GSE1: variants seen among roughly 807,000 people sequenced by gnomAD.
GSE1 encodes the protein genetic suppressor element 1.
A neutral mutation model predicts 112.6 loss-of-function variants in GSE1; 32 were observed. The observed-to-expected ratio is 0.28, with a 90% CI of 0.21 to 0.38. The LOEUF (loss-of-function observed/expected upper bound fraction) is 0.38. GSE1 is among the 10% of genes least tolerant of loss of function. The pLI, the probability that GSE1 is intolerant of heterozygous loss-of-function variation, is 1.00. For synonymous variants in GSE1, 1,115 were observed against 735.6 expected (o/e 1.52, Z -8.35); for missense variants, 2,348 against 1,699.2 (o/e 1.38, Z -6.71).
chr16:85,512,860 C>G (rs2051794424), intron 2 of GSE1, among the ~76,000 whole-genome samples: 1 of 152,112 alleles, frequency 6.6e-6, no homozygotes, highest in Admixed American at 6.5e-5. Context: ...TTCCGGCCTG[C>G]TGACTCACAG....
intron 2 of GSE1, among the ~76,000 whole-genome samples, chr16:85,544,975 G>A (rs141511923): frequency 1.4e-4 from 22 of 152,366 alleles, no homozygotes; most frequent in African/African-American, 4.6e-4. Context: ...CTGCAGAGTC[G>A]CATTTATTCC....
At chr16:85,481,770 TGTG>T (rs891600417) in intron 2 of GSE1, among the ~76,000 whole-genome samples, 6 of 152,120 alleles carry the variant, frequency 3.9e-5, no homozygotes, top group Admixed American at 6.5e-5. Flanking sequence ...CTTTGGGAGA[TGTG>T]GTGAGAAGCG....
chr16:85,612,024 G>C (rs945456011), upstream of GSE1, among the ~76,000 whole-genome samples: 24 of 152,106 alleles, frequency 1.6e-4, no homozygotes, highest in African/African-American at 5.8e-4. Flanking sequence ...CCGCCCAGGG[G>C]GTGCTGGTTT....
intron 1 of GSE1, among the ~76,000 whole-genome samples, chr16:85,281,893 C>G (rs931546609): frequency 6.6e-6 from 1 of 152,182 alleles, no homozygotes; most frequent in South Asian, 2.1e-4. Context: ...CCACAGCATG[C>G]CAGCATTATT....
intron 2 of GSE1, among the ~76,000 whole-genome samples, chr16:85,368,109 C>T (rs2047223829): frequency 6.6e-6 from 1 of 152,180 alleles, no homozygotes; most frequent in South Asian, 2.1e-4. Context: ...CCGCCTCAGC[C>T]TCCCAAAGTG....
At chr16:85,225,097 C>T (rs1446722116) in intron 1 of GSE1, among the ~76,000 whole-genome samples, 1 of 152,028 alleles carries the variant, frequency 6.6e-6, no homozygotes, top group South Asian at 2.1e-4. Context: ...CGCCTCCAGC[C>T]TGGGTGACAG....
At chr16:85,645,783 T>TAG (rs879743519) in intron 2 of GSE1, among the ~76,000 whole-genome samples, 6 of 152,256 alleles carry the variant, frequency 3.9e-5, no homozygotes, top group Non-Finnish European at 7.3e-5. Context: ...GGGTCCTCCT[T>TAG]CTGGAAAGGG....
rs1454838383 is a variant in GSE1 at position 85,407,953 on chromosome 16, G to A, written c.2464+50310G>A. 9.8e-5 allele frequency among the ~76,000 whole-genome samples: 5 copies of A among 51,080 alleles called. 1 individual carries two copies. The highest frequency in any genetic ancestry group is 2.0e-4 in the Non-Finnish European group (5 of 24,768). The allele number at this position is 51,080 out of a possible 152,430, so 33.5% of individuals were successfully genotyped here. The stretch of plus-strand genomic sequence containing the variant: ...CAGGCCCCCCTGGATAATCCTCACC[G>A]TTACACTCAGGGTCCCTCTGATAAT... On this transcript the variant is annotated intron_variant, in intron 2 of 2. Coordinates refer to the GSE1 transcript ENST00000637419.
chr16:85,475,669 A>G (rs1314447200), intron 2 of GSE1, among the ~76,000 whole-genome samples: 1 of 152,090 alleles, frequency 6.6e-6, no homozygotes, highest in African/African-American at 2.4e-5. Flanking sequence ...GAGGCCTGAA[A>G]TTTCCCAGGC....
intron 2 of GSE1, among the ~76,000 whole-genome samples, chr16:85,502,373 A>AGCTCATCT (rs2151914990): frequency 6.6e-6 from 1 of 152,292 alleles, no homozygotes; most frequent in South Asian, 2.1e-4. Flanking sequence ...GAGCACCGTC[A>AGCTCATCT]GCTCATCTGC....
At chr16:85,498,484 C>A (rs767411012) in intron 2 of GSE1, among the ~76,000 whole-genome samples, 2 of 152,146 alleles carry the variant, frequency 1.3e-5, no homozygotes, top group Non-Finnish European at 2.9e-5. Context: ...GATGTGTACA[C>A]ACATGCATAC....
intron 2 of GSE1, among the ~76,000 whole-genome samples, chr16:85,394,440 C>T (rs1196088942): frequency 6.6e-6 from 1 of 152,106 alleles, no homozygotes; most frequent in African/African-American, 2.4e-5. Flanking sequence ...AGGAAGAGGA[C>T]GGTTGGGCTT....
At chr16:85,641,423 G>GCCCCCCC (rs61178619) in intron 2 of GSE1, among the ~76,000 whole-genome samples, 5 of 150,394 alleles carry the variant, frequency 3.3e-5, no homozygotes, top group African/African-American at 9.9e-5. Flanking sequence ...ACTGGCTGAC[G>GCCCCCCC]CCCCCCCCCG....
At chr16:85,256,380 C>A (rs566457972) in intron 1 of GSE1, among the ~76,000 whole-genome samples, 5 of 152,362 alleles carry the variant, frequency 3.3e-5, no homozygotes, top group African/African-American at 9.6e-5. Flanking sequence ...CTTAGGAGCA[C>A]CCTGTATAAG....
intron 1 of GSE1, among the ~76,000 whole-genome samples, chr16:85,239,375 T>A (rs1425294429): frequency 2.0e-5 from 3 of 152,182 alleles, no homozygotes; most frequent in African/African-American, 7.2e-5. Context: ...AGGCAGGGCA[T>A]GTGAGCAAAG....
intron 13 of GSE1, among the ~76,000 whole-genome samples, chr16:85,667,704 C>T (rs2052985579): frequency 1.3e-5 from 2 of 152,138 alleles, no homozygotes; most frequent in African/African-American, 2.4e-5. Flanking sequence ...ACTAAAAATG[C>T]AAAAATTAGC....
chr16:85,604,518 G>A (rs2047599263), intron 1 of GSE1, among the ~76,000 whole-genome samples: 1 of 151,448 alleles, frequency 6.6e-6, no homozygotes, highest in Middle Eastern at 3.2e-3. Flanking sequence ...GCCTCACTGT[G>A]TATCAGGCCC....
chr16:85,653,659 C>T (rs757542169), intron 3 of GSE1, among the ~76,000 whole-genome samples: 2 of 152,054 alleles, frequency 1.3e-5, no homozygotes, highest in Admixed American at 6.5e-5. Flanking sequence ...CCAGTCAGGG[C>T]CCAGCTGCTG....
intron 2 of GSE1, among the ~76,000 whole-genome samples, chr16:85,500,904 T>G (rs926526352): frequency 1.3e-5 from 2 of 151,998 alleles, no homozygotes; most frequent in Admixed American, 1.3e-4. Context: ...CACGTGGCTG[T>G]CTTCCGTGTG....
Sources: allele counts gnomAD v4.1 joint callset (sites outside exome capture counted in the v4.1 genomes callset), GRCh38; gene constraint gnomAD v4.1.1; transcripts MANE v1.5; gene names NCBI Gene and HGNC (gene_info 2026-07-23, HGNC 2026-07-21).